SGSH: variants seen among roughly 807,000 people sequenced by gnomAD.
The protein encoded by SGSH is heparan sulfate sulfatase.
A neutral mutation model predicts 51.0 loss-of-function variants in SGSH; 48 were observed. That is an observed-to-expected ratio of 0.94 (90% CI 0.75 to 1.20). SGSH has a LOEUF of 1.20. Among genes scored for constraint, SGSH ranks in the 50% most tolerant of loss-of-function variants. SGSH has a pLI of 0.00. For synonymous variants in SGSH, 321 were observed against 313.4 expected (o/e 1.02, Z -0.26); for missense variants, 662 against 717.8 (o/e 0.92, Z 0.89).
At position 80,217,195 on chromosome 17, in the gene SGSH, G is replaced by C. The variant is rs1424027045; in HGVS notation, c.89-3C>G. On this transcript the variant is annotated splice_region_variant and splice_polypyrimidine_tract_variant and intron_variant, in intron 1 of 7. Transcript: ENST00000326317. ...ACTCTCAAAGCCTCCGTCATCCGCT[G>C]CGTGAGGTGGGAGACAGAGAGTGCA... is the stretch of plus-strand genomic sequence containing the variant. 6.3e-7 allele frequency: 1 copy of C among 1,596,886 alleles called. No individual in the cohort carries two copies. Among genetic ancestry groups the C allele is most frequent in the Non-Finnish European group, 8.5e-7 (1 of 1,176,456 alleles).
chr17:80,212,401 C>T lies in SGSH; in HGVS notation c.746-127G>A, dbSNP rs2041706322. The stretch of plus-strand genomic sequence containing the variant: ...CCAGCGCTTTCCGGATTCGAAAGCA[C>T]CCTGTAGTTCTTCCCAATGGCCCTG... On this transcript the variant is annotated intron_variant, in intron 6 of 7. Coordinates refer to ENST00000326317, the MANE Select transcript of SGSH (RefSeq NM_000199.5). This position sits in a 1 kb window ranked among gnomAD's most constrained non-coding sequence, Gnocchi z 5.9. 1 of 805,902 alleles carries T rather than the reference C, an allele frequency of 1.2e-6. No individual in the cohort carries two copies. The highest frequency in any genetic ancestry group is 1.7e-5 in the African/African-American group (1 of 58,970). The allele number at this position is 805,902 out of a possible 1,614,324, so 49.9% of individuals were successfully genotyped here. A position where few individuals can be genotyped will look rare whatever the true frequency, so the allele number is the denominator to read the frequency against.
downstream of SGSH, chr17:80,201,980 G>A (rs1377992509): frequency 2.1e-6 from 3 of 1,419,440 alleles, no homozygotes; most frequent in Non-Finnish European, 2.9e-6. The surrounding 1 kb of genome is among the most constrained non-coding windows in gnomAD (Gnocchi z 5.0). Flanking sequence ...CCAGAGCCAA[G>A]AGAGGATCAG....
chr17:80,202,501 C>T, downstream of SGSH: 1 of 1,549,380 alleles, frequency 6.5e-7, no homozygotes, highest in South Asian at 1.2e-5. Context: ...GCTTCCTCCT[C>T]CTGCCCAGCA....
chr17:80,209,714 C>G lies in SGSH; in HGVS notation c.*738G>C. 1 of 985,452 alleles carries G rather than the reference C, an allele frequency of 1.0e-6. No individual in the cohort carries two copies. 61.0% of individuals were successfully genotyped at this position (985,452 alleles called of 1,614,324 possible). On this transcript the variant is annotated 3_prime_UTR_variant, in exon 8 of 8. Transcript: ENST00000326317. ...TGCCAGTGTCACCGAAGAATTAACC[C>G]AAGCCAGAGGACGGGCATCGCCATG... is the stretch of plus-strand genomic sequence containing the variant.
At chr17:80,201,566 A>G in the SGSH span, 1 of 667,896 alleles carries the variant, frequency 1.5e-6, no homozygotes, top group South Asian at 1.7e-5. This position sits in a 1 kb window ranked among gnomAD's most constrained non-coding sequence, Gnocchi z 5.0. Flanking sequence ...GCATCACTAG[A>G]GGTGTGAAGG....
downstream of SGSH, chr17:80,204,921 C>A: frequency 1.1e-6 from 1 of 879,008 alleles, no homozygotes; most frequent in South Asian, 1.8e-5. Flanking sequence ...CCCTGGAATT[C>A]TAGGTGCTGG....
intron 2 of SGSH, among the ~76,000 whole-genome samples, chr17:80,216,431 T>G (rs936720464): frequency 2.6e-5 from 4 of 151,926 alleles, no homozygotes; most frequent in African/African-American, 9.7e-5. Context: ...GTGGAGCTGG[T>G]GTTTCATGGG....
downstream of SGSH, chr17:80,207,055 C>T: frequency 6.2e-7 from 1 of 1,614,024 alleles, no homozygotes; most frequent in Non-Finnish European, 8.5e-7. Context: ...ATCCACGTCT[C>T]TGTCAACGAG....
intron 2 of SGSH, chr17:80,216,671 C>T (rs186676266): frequency 3.1e-5 from 9 of 292,846 alleles, no homozygotes; most frequent in Admixed American, 9.0e-5. Flanking sequence ...TGGCGGTTCA[C>T]GCTGAGTGAG....
intron 2 of SGSH, among the ~76,000 whole-genome samples, chr17:80,215,776 A>G (rs1001049181): frequency 4.6e-5 from 7 of 152,126 alleles, no homozygotes; most frequent in Non-Finnish European, 1.0e-4. Context: ...CCGAGATCAC[A>G]CCACTGCACT....
downstream of SGSH, chr17:80,201,740 T>G (rs1172493035): frequency 1.9e-6 from 3 of 1,613,808 alleles, no homozygotes; most frequent in Non-Finnish European, 2.5e-6. The surrounding 1 kb of genome is among the most constrained non-coding windows in gnomAD (Gnocchi z 5.0). Flanking sequence ...CGACTTGCCC[T>G]CAGGTTGATT....
intron 5 of SGSH, 51 bp downstream of exon 5, chr17:80,214,120 TC>T: frequency 6.4e-7 from 1 of 1,568,080 alleles, no homozygotes; most frequent in Non-Finnish European, 8.6e-7. Flanking sequence ...GAGGCCAGGG[TC>T]CCCGACCCAG....
In SGSH at chr17:80,210,846, A is replaced by G. The variant is rs1392587570; in HGVS notation, c.1115T>C (p.Met372Thr). 13 of 1,613,860 alleles carry G rather than the reference A, an allele frequency of 8.1e-6. No homozygotes were observed. The highest frequency in any genetic ancestry group is 1.6e-4 in the Middle Eastern group (1 of 6,062). The change falls in exon 8 of 8, where the codon ATG (methionine) becomes ACG (threonine). Residue 372 changes from methionine (M) to threonine (T), a missense_variant. Met to Thr is a moderately conservative substitution (Grantham distance 81). Coordinates refer to ENST00000326317, the MANE Select transcript of SGSH (RefSeq NM_000199.5). ...CTGCACGGAGCGCATGGGGTAGGAC[A>G]TGGTGACCTCGTGGTGGCTCTGGCT... ...FGSQSHHEVT[M>T]SYPMRSVQHR...
Position 80,210,597 on chromosome 17 carries a change from G to C in SGSH, c.1364C>G (p.Pro455Arg). 1 of 1,613,532 alleles carries C rather than the reference G, an allele frequency of 6.2e-7. No homozygotes were observed. Among genetic ancestry groups the C allele is most frequent in the Non-Finnish European group, 8.5e-7 (1 of 1,179,912 alleles). The change falls in exon 8 of 8, where the codon CCG becomes CGG. Residue 455 changes from proline to arginine, a missense_variant. Coordinates refer to ENST00000326317, the MANE Select transcript of SGSH (RefSeq NM_000199.5). ...CATCTCCAGAAGCTGAGCAAAGCGC[G>C]GGTCGGTGGCCAGGTTCTGGGTCTC... is the stretch of plus-strand genomic sequence containing the variant. ...PHETQNLATD[P>R]RFAQLLEMLR... is the part of the protein sequence containing the mutation.
At chr17:80,201,853 T>G (rs2040993503), downstream of SGSH, 1 of 1,613,780 alleles carries the variant, frequency 6.2e-7, no homozygotes, top group African/African-American at 1.3e-5. This position sits in a 1 kb window ranked among gnomAD's most constrained non-coding sequence, Gnocchi z 5.0. Context: ...TGCCTGTCTG[T>G]GAAGGTCAAC....
rs1237611456 is a variant in SGSH at position 80,210,841 on chromosome 17, A to G, written c.1120T>C (p.Tyr374His). The G allele has an allele frequency of 4.3e-6, 7 of 1,613,930 alleles. No homozygotes were observed. Among genetic ancestry groups the G allele is most frequent in the Non-Finnish European group, 5.9e-6 (7 of 1,180,020 alleles). The change falls in exon 8 of 8, where the codon TAC becomes CAC. Residue 374 changes from tyrosine (Y) to histidine (H), a missense_variant. Physicochemically the swap from Tyr to His is moderately conservative, Grantham distance 83 (BLOSUM62 2). Transcript: ENST00000326317. ...CGGTGCTGCACGGAGCGCATGGGGT[A>G]GGACATGGTGACCTCGTGGTGGCTC... ...SQSHHEVTMSYPMRSVQHRHF... is the reference protein window; with the variant it reads ...SQSHHEVTMSHPMRSVQHRHF...
chr17:80,216,735 T>G (rs1284376519), intron 2 of SGSH: 2 of 471,408 alleles, frequency 4.2e-6, no homozygotes, highest in Non-Finnish European at 7.8e-6. Context: ...CCCGCCAATC[T>G]CCATAACTAG....
At chr17:80,217,401 C>T (rs758700074) in intron 1 of SGSH, among the ~76,000 whole-genome samples, 4 of 152,170 alleles carry the variant, frequency 2.6e-5, no homozygotes, top group Admixed American at 2.6e-4. Context: ...GTACATCAGG[C>T]AAGCATGGTA....
rs147938702 is a variant in SGSH at position 80,215,064 on chromosome 17, C to T, written c.324G>A (p.Pro108=). 1.2e-4 allele frequency: 192 copies of T among 1,611,872 alleles called. No individual in the cohort carries two copies. In the African/African-American group the frequency reaches 2.1e-3, roughly 18 times the overall value. Residue 108 remains proline, a synonymous_variant, in exon 3 of 8, where the codon CCG becomes CCA. Transcript: ENST00000326317. The part of the protein sequence containing the change: ...FNSFDKVRSL[P]LLLSQAGVRT... ...GCACACCAGCTTGGCTGAGCAGCAG[C>T]GGCAGGCTCCGCACCTTGTCGAAGG... is the stretch of plus-strand genomic sequence containing the variant.
Sources: gnomAD v4.1 joint callset for allele counts (sites outside exome capture counted in the v4.1 genomes callset) on GRCh38, gnomAD v4.1.1 for gene constraint, Gnocchi (gnomAD v3.1) non-coding constraint, MANE v1.5 for transcripts, NCBI Gene and HGNC (gene_info 2026-07-23, HGNC 2026-07-21) for gene names.